Variants in WWOX observed in about 807,000 individuals in gnomAD.
The protein encoded by WWOX is WW domain-containing oxidoreductase.
In WWOX, 69 loss-of-function variants were observed where a neutral mutation model predicts 46.2. The ratio of observed to expected loss-of-function variants is 1.49; its 90% CI spans 1.23 to 1.82. The LOEUF is 1.82. Among genes scored for constraint, WWOX ranks in the 40% most tolerant of loss-of-function variants. The pLI is 0.00. For synonymous variants in WWOX, 359 were observed against 202.6 expected (o/e 1.77, Z -6.56); for missense variants, 919 against 542.6 (o/e 1.69, Z -6.89).
chr16:78,532,281 T>G (rs1171380542), intron 8 of WWOX, among the ~76,000 whole-genome samples: 5 of 152,092 alleles, frequency 3.3e-5, no homozygotes, highest in African/African-American at 1.2e-4. Context: ...TGGGTGGTGG[T>G]GGGGGGATGC....
intron 8 of WWOX, among the ~76,000 whole-genome samples, chr16:78,963,939 C>G (rs1183782897): frequency 6.6e-6 from 1 of 152,114 alleles, no homozygotes; most frequent in African/African-American, 2.4e-5. Context: ...TTCATAAGAT[C>G]CAATGAATTT....
At chr16:78,391,311 T>C (rs1165676630) in intron 6 of WWOX, among the ~76,000 whole-genome samples, 1 of 152,218 alleles carries the variant, frequency 6.6e-6, no homozygotes, top group Non-Finnish European at 1.5e-5. Context: ...AGCACTTACA[T>C]ACATGTATTC....
intron 8 of WWOX, among the ~76,000 whole-genome samples, chr16:78,755,214 A>T (rs1339185776): frequency 1.4e-5 from 2 of 145,072 alleles, no homozygotes; most frequent in Admixed American, 7.0e-5. Context: ...TTAAAGTGAA[A>T]GGAAAAAAAA....
intron 8 of WWOX, among the ~76,000 whole-genome samples, chr16:79,038,652 C>G (rs1350227628): frequency 2.0e-5 from 3 of 152,134 alleles, no homozygotes; most frequent in African/African-American, 7.2e-5. Flanking sequence ...CAGATTCAAG[C>G]AATTTTCCTG....
intron 8 of WWOX, among the ~76,000 whole-genome samples, chr16:79,199,602 G>C (rs578255747): frequency 3.0e-4 from 46 of 152,282 alleles, no homozygotes; most frequent in African/African-American, 1.1e-3. Flanking sequence ...GCTCTTGCAA[G>C]AGTTCAGCTA....
chr16:78,554,867 C>T (rs1285405676), intron 8 of WWOX, among the ~76,000 whole-genome samples: 1 of 152,144 alleles, frequency 6.6e-6, no homozygotes. Flanking sequence ...AGAGGTGGGA[C>T]CTGGTGCTGG....
At chr16:78,885,422 G>C (rs1453737923) in intron 8 of WWOX, among the ~76,000 whole-genome samples, 1 of 152,146 alleles carries the variant, frequency 6.6e-6, no homozygotes, top group Non-Finnish European at 1.5e-5. Flanking sequence ...TGATTTGTTA[G>C]AAAATAGTTT....
chr16:78,620,346 A>G (rs536576530), intron 8 of WWOX, among the ~76,000 whole-genome samples: 5 of 152,304 alleles, frequency 3.3e-5, no homozygotes, highest in South Asian at 2.1e-4. Context: ...TGTGCCTCCT[A>G]TCAATCAGGT....
rs985595909 is a variant in WWOX at position 78,338,304 on chromosome 16, C to T, written c.517-48556C>T. ...AGGTGGAAATGTAGACACCAACACC[C>T]TCATGGATTCCCAGCTGCTGAGAGT... On this transcript the variant is annotated intron_variant, in intron 5 of 8. Coordinates refer to ENST00000566780, the MANE Select transcript of WWOX (RefSeq NM_016373.4). Among the ~76,000 whole-genome samples, 2 of 121,554 alleles carry T rather than the reference C, an allele frequency of 1.6e-5. 1 individual carries two copies. The highest frequency in any genetic ancestry group is 3.9e-5 in the Non-Finnish European group (2 of 50,860). 79.7% of individuals were successfully genotyped at this position (121,554 alleles called of 152,430 possible). A position where few individuals can be genotyped will look rare whatever the true frequency, so the allele number is the denominator to read the frequency against.
chr16:78,427,838 C>T lies in WWOX; in HGVS notation c.791+2783C>T, dbSNP rs1432068018. The stretch of plus-strand genomic sequence containing the variant: ...AGTATAGGCCAGGCACAGTGTCTCA[C>T]GCCTGTAATCCCAGCACTCAAGAGT... On this transcript the variant is annotated intron_variant, in intron 7 of 8. Coordinates refer to ENST00000566780, the MANE Select transcript of WWOX (RefSeq NM_016373.4). Among the ~76,000 whole-genome samples, 5 of 152,050 alleles carry T rather than the reference C, an allele frequency of 3.3e-5. No homozygotes were observed. In the South Asian group the frequency reaches 6.2e-4, roughly 19 times the overall value.
At chr16:79,093,530 A>G (rs2049006901) in intron 8 of WWOX, among the ~76,000 whole-genome samples, 1 of 152,068 alleles carries the variant, frequency 6.6e-6, no homozygotes, top group South Asian at 2.1e-4. Context: ...GAGTCATTTA[A>G]CAGTCACAGT....
chr16:78,824,006 T>C (rs2051579520), intron 8 of WWOX, among the ~76,000 whole-genome samples: 1 of 152,110 alleles, frequency 6.6e-6, no homozygotes, highest in Admixed American at 6.6e-5. Flanking sequence ...ACTTCTGGCC[T>C]CAAAGCAATC....
At chr16:79,172,679 C>T (rs1274193921) in intron 8 of WWOX, among the ~76,000 whole-genome samples, 2 of 152,016 alleles carry the variant, frequency 1.3e-5, no homozygotes, top group African/African-American at 2.4e-5. Context: ...TTTGTGTGCA[C>T]GCGCACGTAT....
intron 5 of WWOX, among the ~76,000 whole-genome samples, chr16:78,264,016 G>GT (rs1567466234): frequency 9.9e-6 from 1 of 100,962 alleles, no homozygotes; most frequent in Non-Finnish European, 1.9e-5. Context: ...TTTTTTTTTT[G>GT]TTTTTTTGCT....
intron 8 of WWOX, among the ~76,000 whole-genome samples, chr16:78,957,396 T>C (rs909802533): frequency 4.6e-5 from 7 of 152,204 alleles, no homozygotes; most frequent in African/African-American, 1.7e-4. Flanking sequence ...TCTTTAGTTG[T>C]AAAAACACCC....
In WWOX at chr16:79,069,680, T is replaced by A. The variant is rs1308284708; in HGVS notation, c.1057-141928T>A. On this transcript the variant is annotated intron_variant, in intron 8 of 8. Transcript: ENST00000566780. ...TAAAGAAAACATCTAAATGTCAGTG[T>A]GCAAATAGAAAGTAGCAGTCAATTA... Among the ~76,000 whole-genome samples the A allele has an allele frequency of 4.6e-5, 7 of 152,180 alleles. No homozygotes were observed. The South Asian group carries it at 1.5e-3, about 32-fold the overall frequency.
intron 5 of WWOX, among the ~76,000 whole-genome samples, chr16:78,254,687 C>A (rs2038080496): frequency 6.6e-6 from 1 of 151,638 alleles, no homozygotes; most frequent in Non-Finnish European, 1.5e-5. Context: ...GCCACCATGC[C>A]TGGCTAATTT....
intron 8 of WWOX, among the ~76,000 whole-genome samples, chr16:78,698,645 C>T (rs1282003284): frequency 6.6e-6 from 1 of 152,094 alleles, no homozygotes; most frequent in Non-Finnish European, 1.5e-5. Flanking sequence ...ACAAACTTCC[C>T]AAGAATGTAA....
rs546287863 is a variant in WWOX, at chr16:78,946,138, C to T, written c.1057-265470C>T. Among the ~76,000 whole-genome samples the T allele has an allele frequency of 2.6e-5, 4 of 152,248 alleles. No individual in the cohort carries two copies. In the South Asian group the frequency reaches 8.3e-4, roughly 32 times the overall value. Reference sequence around the variant, plus strand: ...CCAGTTAATTTTACTTTAATTCCCCCTACAAGAATGCCGAGACACCTCTGC... The same window carrying T: ...CCAGTTAATTTTACTTTAATTCCCCTTACAAGAATGCCGAGACACCTCTGC... On this transcript the variant is annotated intron_variant, in intron 8 of 8. Transcript: ENST00000566780.
Sources: allele counts gnomAD v4.1 joint callset (sites outside exome capture counted in the v4.1 genomes callset), GRCh38; gene constraint gnomAD v4.1.1; transcripts MANE v1.5; gene names NCBI Gene and HGNC (gene_info 2026-07-23, HGNC 2026-07-21).